The following GLI2 variants were observed in gnomAD, a reference collection of about 807,000 sequenced individuals.
The protein encoded by GLI2 is transcription activator GLI2.
A neutral mutation model predicts 78.9 loss-of-function variants in GLI2; 22 were observed. The observed-to-expected ratio is 0.28, with a 90% CI of 0.20 to 0.40. The LOEUF is 0.40. GLI2 is among the 10% of genes least tolerant of loss of function. GLI2 has a pLI of 1.00. For missense variants in GLI2, 2,097 were observed against 2,213.2 expected (o/e 0.95, Z 1.05); for synonymous variants, 974 against 963.7 (o/e 1.01, Z -0.20).
At chr2:120,775,507 T>C (rs572403232) in intron 1 of GLI2, among the ~76,000 whole-genome samples, 2 of 152,262 alleles carry the variant, frequency 1.3e-5, no homozygotes, top group East Asian at 3.9e-4. Flanking sequence ...TCCTGGCGTT[T>C]GAAAGAGCCC....
At chr2:120,916,671 C>A (rs1041060510) in intron 2 of GLI2, among the ~76,000 whole-genome samples, 15 of 152,238 alleles carry the variant, frequency 9.9e-5, no homozygotes, top group Non-Finnish European at 8.8e-5. Flanking sequence ...CGTCCTCTTA[C>A]ATTGAGCGAG....
Position 120,984,624 on chromosome 2 carries a change from A to G in GLI2, c.1786A>G (p.Asn596Asp). Reference sequence around the variant, plus strand: ...CCTCCGCACACCGCTGCTCAAAGAGAATGGGGACAGTGAGGCCGGCACGGA... The same window carrying G: ...CCTCCGCACACCGCTGCTCAAAGAGGATGGGGACAGTGAGGCCGGCACGGA... ...VHLRTPLLKE[N>D]GDSEAGTEPG... Residue 596 changes from asparagine to aspartate, a missense_variant, in exon 12 of 14, where the codon AAT becomes GAT. Asn to Asp is a conservative substitution (Grantham distance 23). This residue lies in a region of GLI2 where 57 missense variants were observed against 44.5 expected (regional missense o/e 1.28). Coordinates refer to ENST00000361492, the MANE Select transcript of GLI2 (RefSeq NM_001374353.1). 1 of 1,614,144 alleles carries G rather than the reference A, an allele frequency of 6.2e-7. No individual in the cohort carries two copies. Among genetic ancestry groups the G allele is most frequent in the Non-Finnish European group, 8.5e-7 (1 of 1,180,016 alleles).
chr2:120,970,883 A>G (rs1315618637), intron 7 of GLI2, among the ~76,000 whole-genome samples: 1 of 152,158 alleles, frequency 6.6e-6, no homozygotes, highest in African/African-American at 2.4e-5. Context: ...CCATGGAGGC[A>G]CTCCATGCAC....
intron 2 of GLI2, among the ~76,000 whole-genome samples, chr2:120,911,212 G>A (rs1678800081): frequency 6.6e-6 from 1 of 152,332 alleles, no homozygotes; most frequent in African/African-American, 2.4e-5. Context: ...ATGAGGTCTG[G>A]CTGTGACACA....
chr2:120,920,330 C>T (rs1226137882), intron 2 of GLI2, among the ~76,000 whole-genome samples: 1 of 152,246 alleles, frequency 6.6e-6, no homozygotes, highest in African/African-American at 2.4e-5. Context: ...AGAATTCCTC[C>T]GGCTGCTGAT....
At chr2:120,904,951 G>T (rs1678447616) in intron 2 of GLI2, among the ~76,000 whole-genome samples, 1 of 152,318 alleles carries the variant, frequency 6.6e-6, no homozygotes, top group East Asian at 1.9e-4. Context: ...CGCCTGAGCT[G>T]CAGGCTTTCC....
chr2:120,932,177 C>A (rs568738375), intron 3 of GLI2, among the ~76,000 whole-genome samples: 1 of 152,330 alleles, frequency 6.6e-6, no homozygotes, highest in East Asian at 1.9e-4. Flanking sequence ...TAGCTCGCTT[C>A]TCCCTGCCAG....
intron 2 of GLI2, among the ~76,000 whole-genome samples, chr2:120,871,962 A>C (rs1487004974): frequency 6.6e-6 from 1 of 152,162 alleles, no homozygotes; most frequent in African/African-American, 2.4e-5. Context: ...GTGAGCATGG[A>C]GGGACCCCCG....
chr2:120,984,763 C>T lies in GLI2; in HGVS notation c.1905+20C>T. On this transcript the variant is annotated intron_variant, in intron 12 of 13. Coordinates refer to ENST00000361492, the MANE Select transcript of GLI2 (RefSeq NM_001374353.1). ...TCCGGGGTAAGCGGAGCTGGGCAGC[C>T]CAGCCACGCAAGGCGACTCCATAGC... The T allele has an allele frequency of 1.4e-5, 22 of 1,610,512 alleles. No homozygotes were observed. The highest frequency in any genetic ancestry group is 1.9e-5 in the Non-Finnish European group (22 of 1,179,580).
chr2:120,964,250 G>C (rs1681726768), intron 5 of GLI2, among the ~76,000 whole-genome samples: 1 of 152,216 alleles, frequency 6.6e-6, no homozygotes, highest in African/African-American at 2.4e-5. Context: ...AGCTGCACGT[G>C]CAAGTCCCTG....
chr2:120,815,094 G>T, intron 2 of GLI2, among the ~76,000 whole-genome samples: 1 of 152,130 alleles, frequency 6.6e-6, no homozygotes, highest in East Asian at 1.9e-4. Context: ...GAGCCCCAGG[G>T]ATGAGCCTGA....
rs146403211 is a variant in GLI2, at chr2:120,990,378, G to T, written c.4413G>T (p.Leu1471Phe). The T allele has an allele frequency of 6.3e-5, 102 of 1,613,990 alleles. No individual in the cohort carries two copies. The highest frequency in any genetic ancestry group is 8.3e-5 in the Non-Finnish European group (98 of 1,180,034). Residue 1471 changes from leucine to phenylalanine, a missense_variant, in exon 14 of 14, where the codon TTG (leucine) becomes TTT (phenylalanine). By Grantham distance (22) the Leu-to-Phe change is conservative (BLOSUM62 0). This residue lies in a region of GLI2 where 1,290 missense variants were observed against 1,261.7 expected (regional missense o/e 1.02). Coordinates refer to ENST00000361492, the MANE Select transcript of GLI2 (RefSeq NM_001374353.1). ...AGGACAGCATCCAGCCCCAGCCCTTGCCCTCACCAGGGGTCAACCAGGTGT... is the reference window on the plus strand; with the variant it reads ...AGGACAGCATCCAGCCCCAGCCCTTTCCCTCACCAGGGGTCAACCAGGTGT... ...ACQDSIQPQP[L>F]PSPGVNQVSS...
intron 10 of GLI2, among the ~76,000 whole-genome samples, chr2:120,982,405 C>T (rs2105062876): frequency 6.6e-6 from 1 of 151,720 alleles, no homozygotes; most frequent in East Asian, 2.0e-4. Flanking sequence ...GAGTATGTAA[C>T]TGAATACTTG....
intron 2 of GLI2, among the ~76,000 whole-genome samples, chr2:120,884,729 G>A (rs1043096476): frequency 3.9e-5 from 6 of 152,180 alleles, no homozygotes; most frequent in Admixed American, 3.9e-4. Flanking sequence ...GGTGGCCGTC[G>A]GAGTCCAGCT....
chr2:120,924,207 C>A (rs1158312931), intron 2 of GLI2, among the ~76,000 whole-genome samples: 1 of 152,140 alleles, frequency 6.6e-6, no homozygotes, highest in Non-Finnish European at 1.5e-5. Context: ...TGGGAAGACC[C>A]AGGAGCTGGT....
chr2:120,954,804 C>T (rs1681162470), intron 4 of GLI2, among the ~76,000 whole-genome samples: 1 of 152,188 alleles, frequency 6.6e-6, no homozygotes, highest in Non-Finnish European at 1.5e-5. Context: ...GCCTGGCGCC[C>T]CGGCAGCGAT....
Position 120,952,453 on chromosome 2 carries a change from G to A in GLI2, c.457+1008G>A, listed in dbSNP as rs113979167. On this transcript the variant is annotated intron_variant, in intron 4 of 13. Coordinates refer to ENST00000361492, the MANE Select transcript of GLI2 (RefSeq NM_001374353.1). The stretch of plus-strand genomic sequence containing the variant: ...GGTGGGTGTGACCACGAGTTGAAGC[G>A]GAGGCCTGGCTCTGAGAATGTGCAG... Among the ~76,000 whole-genome samples the A allele has an allele frequency of 5.0e-3, 761 of 152,250 alleles. 2 individuals carry two copies. The highest frequency in any genetic ancestry group is 0.017 in the African/African-American group (707 of 41,538).
At chr2:120,828,345 C>T (rs1483891733) in intron 2 of GLI2, among the ~76,000 whole-genome samples, 1 of 152,216 alleles carries the variant, frequency 6.6e-6, no homozygotes, top group South Asian at 2.1e-4. Flanking sequence ...CCGGAGACTC[C>T]GAGGACATTC....
intron 2 of GLI2, among the ~76,000 whole-genome samples, chr2:120,825,269 C>T (rs1685993192): frequency 6.6e-6 from 1 of 152,232 alleles, no homozygotes; most frequent in Non-Finnish European, 1.5e-5. Context: ...CATGATAAAG[C>T]CCAAGGAAGG....
Sources: allele counts gnomAD v4.1 joint callset (sites outside exome capture counted in the v4.1 genomes callset), GRCh38; gene constraint gnomAD v4.1.1; regional missense constraint gnomAD v4.1.1; transcripts MANE v1.5; gene names NCBI Gene and HGNC (gene_info 2026-07-23, HGNC 2026-07-21).